The following TRPC1 variants were observed in gnomAD, a reference collection of about 807,000 sequenced individuals.
The protein encoded by TRPC1 is transient receptor potential cation channel subfamily C member 1.
Under a neutral mutation model 88.2 loss-of-function variants are expected in TRPC1, and 42 were observed. The observed-to-expected ratio is 0.48, with a 90% confidence interval of 0.37 to 0.62. The LOEUF (loss-of-function observed/expected upper bound fraction) is 0.62, where lower values mean the gene tolerates loss of function less well. Among genes scored for constraint, TRPC1 ranks in the 20% least tolerant of loss-of-function variants. The pLI is 0.00. For missense variants in TRPC1, 699 were observed against 957.3 expected (o/e 0.73, Z 3.56); for synonymous variants, 288 against 331.8 (o/e 0.87, Z 1.43).
intron 2 of TRPC1, among the ~76,000 whole-genome samples, chr3:142,741,989 C>T (rs906125430): frequency 6.6e-6 from 1 of 151,986 alleles, no homozygotes; most frequent in Non-Finnish European, 1.5e-5. Flanking sequence ...AGGGTGAAAC[C>T]CTGTCTTTAC....
intron 7 of TRPC1, among the ~76,000 whole-genome samples, chr3:142,785,734 C>T (rs187455174): frequency 2.5e-4 from 38 of 152,216 alleles, no homozygotes; most frequent in African/African-American, 7.2e-4. Flanking sequence ...CTCCTGACTT[C>T]GTAATCCTCC....
At chr3:142,736,640 T>C in intron 2 of TRPC1, 107 bp downstream of exon 2, 1 of 1,012,814 alleles carries the variant, frequency 9.9e-7, no homozygotes, top group Non-Finnish European at 1.4e-6. Context: ...CTTCTTCCTT[T>C]CTTTTTCTTT....
intron 9 of TRPC1, among the ~76,000 whole-genome samples, chr3:142,798,717 A>G (rs1936524732): frequency 6.6e-6 from 1 of 152,166 alleles, no homozygotes; most frequent in Non-Finnish European, 1.5e-5. Flanking sequence ...TTAATATCAC[A>G]TGTGCAAAGG....
intron 4 of TRPC1, among the ~76,000 whole-genome samples, chr3:142,777,265 AC>A (rs1935810401): frequency 6.6e-6 from 1 of 152,136 alleles, no homozygotes; most frequent in Non-Finnish European, 1.5e-5. Flanking sequence ...ACTCCACTGC[AC>A]TCTGGCCTGG....
chr3:142,804,080 G>C lies in TRPC1; in HGVS notation c.1861G>C (p.Val621Leu). ...FSYGEELQSF[V>L]GAVIVGTYNV... The stretch of plus-strand genomic sequence containing the variant: ...CTATGGAGAAGAACTGCAGTCCTTT[G>C]TGGGAGCTGTCATTGTTGGTACATA... Residue 621 changes from valine (V) to leucine (L), a missense_variant, in exon 11 of 13, where the codon GTG (valine) becomes CTG (leucine). Physicochemically the swap from Val to Leu is conservative, Grantham distance 32. Transcript: ENST00000476941. 1.2e-6 allele frequency: 2 copies of C among 1,613,864 alleles called. No homozygotes were observed. The highest frequency in any genetic ancestry group is 1.7e-6 in the Non-Finnish European group (2 of 1,179,904).
chr3:142,734,708 C>T (rs138202957), intron 1 of TRPC1, among the ~76,000 whole-genome samples: 1 of 151,838 alleles, frequency 6.6e-6, no homozygotes, highest in Non-Finnish European at 1.5e-5. Context: ...GAGGCCGAGG[C>T]GAGAGGATTG....
chr3:142,794,996 T>C (rs1936408902), intron 9 of TRPC1, among the ~76,000 whole-genome samples: 1 of 151,986 alleles, frequency 6.6e-6, no homozygotes, highest in African/African-American at 2.4e-5. Flanking sequence ...TAAAGTTTAG[T>C]AGAGACATGG....
Position 142,724,354 on chromosome 3 carries a change from C to T in TRPC1, c.-206C>T, listed in dbSNP as rs996601659. On this transcript the variant is annotated 5_prime_UTR_variant, in exon 1 of 13. Transcript: ENST00000476941. The surrounding 1 kb of genome is among the most constrained non-coding windows in gnomAD (Gnocchi z 5.6). ...TGGCCCCGGGGCCGCGCATGCGCCGCCACCAACTTGGGGCTGTCAGTGGAG... is the reference window on the plus strand; with the variant it reads ...TGGCCCCGGGGCCGCGCATGCGCCGTCACCAACTTGGGGCTGTCAGTGGAG... 1.0e-5 allele frequency: 4 copies of T among 394,972 alleles called. No individual in the cohort carries two copies. Among genetic ancestry groups the T allele is most frequent in the Non-Finnish European group, 1.7e-5 (4 of 230,284 alleles). 24.5% of individuals were successfully genotyped at this position (394,972 alleles called of 1,614,324 possible). A position where few individuals can be genotyped will look rare whatever the true frequency, so the allele number is the denominator to read the frequency against.
chr3:142,746,250 A>T (rs1408584424), intron 3 of TRPC1, among the ~76,000 whole-genome samples: 1 of 152,138 alleles, frequency 6.6e-6, no homozygotes, highest in African/African-American at 2.4e-5. Context: ...TTGGCAATTG[A>T]CTTTCAAATT....
chr3:142,734,174 CTTG>C (rs957655218), intron 1 of TRPC1, among the ~76,000 whole-genome samples: 5 of 152,144 alleles, frequency 3.3e-5, no homozygotes, highest in African/African-American at 7.2e-5. Flanking sequence ...GGTCCTGCCT[CTTG>C]TTGTCTTGGG....
Position 142,806,123 on chromosome 3 carries a change from C to G in TRPC1, c.2270C>G (p.Thr757Ser). The change falls in exon 13 of 13, where the codon ACT becomes AGT. Residue 757 changes from threonine (T) to serine (S), a missense_variant. Coordinates refer to ENST00000476941, the MANE Select transcript of TRPC1 (RefSeq NM_001251845.2). ...RQKMQSTDQA[T>S]VENLNELRQD... Reference sequence around the variant, plus strand: ...AAGATGCAAAGTACAGATCAGGCAACTGTGGAAAATCTAAACGAACTGCGC... The same window carrying G: ...AAGATGCAAAGTACAGATCAGGCAAGTGTGGAAAATCTAAACGAACTGCGC... 15 of 1,613,906 alleles carry G rather than the reference C, an allele frequency of 9.3e-6. No homozygotes were observed. The highest frequency in any genetic ancestry group is 1.3e-5 in the Non-Finnish European group (15 of 1,179,878).
intron 2 of TRPC1, among the ~76,000 whole-genome samples, chr3:142,740,176 C>T (rs190938178): frequency 2.6e-5 from 4 of 152,258 alleles, no homozygotes; most frequent in East Asian, 1.9e-4. Flanking sequence ...GGTTGGAGAC[C>T]GCTGTGAGGA....
At chr3:142,782,429 G>GT (rs149185113) in intron 6 of TRPC1, among the ~76,000 whole-genome samples, 4,528 of 152,242 alleles carry the variant, frequency 0.03, 238 homozygotes, top group African/African-American at 0.1. Context: ...GGTAAGCTTT[G>GT]TTTAGGTTAT....
chr3:142,781,038 C>G lies in TRPC1; in HGVS notation c.960+9C>G, dbSNP rs1402588384. ...AATATAACCAGAAAGAGGTATGAGG[C>G]TTTCTGTAATATATTTAAATTATTT... On this transcript the variant is annotated intron_variant, in intron 6 of 12. Coordinates refer to ENST00000476941, the MANE Select transcript of TRPC1 (RefSeq NM_001251845.2). 1.3e-6 allele frequency: 2 copies of G among 1,598,062 alleles called. No homozygotes were observed. The highest frequency in any genetic ancestry group is 1.7e-6 in the Non-Finnish European group (2 of 1,174,120).
intron 1 of TRPC1, among the ~76,000 whole-genome samples, chr3:142,726,674 G>A (rs1394951559): frequency 6.6e-6 from 1 of 152,094 alleles, no homozygotes; most frequent in Non-Finnish European, 1.5e-5. Flanking sequence ...GTAACTTTGA[G>A]TTATAGGAAT....
chr3:142,801,775 T>C (rs1046737630), intron 9 of TRPC1, among the ~76,000 whole-genome samples: 3 of 152,200 alleles, frequency 2.0e-5, no homozygotes, highest in Non-Finnish European at 4.4e-5. Context: ...AATGATTTTA[T>C]GTTTGTAAAA....
At position 142,806,039 on chromosome 3, in the gene TRPC1, A is replaced by G. The variant is rs751791267; in HGVS notation, c.2186A>G (p.Glu729Gly). ...AGGAATTTGAAACAGAAGAGAGATG[A>G]AAACTATCAAAAAGTGATGTGCTGC... ...EWRNLKQKRDENYQKVMCCLV... is the reference protein window; with the variant it reads ...EWRNLKQKRDGNYQKVMCCLV... Residue 729 changes from glutamate (E) to glycine (G), a missense_variant, in exon 13 of 13, where the codon GAA (glutamate) becomes GGA (glycine). By Grantham distance (98) the Glu-to-Gly change is moderately conservative. Coordinates refer to ENST00000476941, the MANE Select transcript of TRPC1 (RefSeq NM_001251845.2). 1.9e-6 allele frequency: 3 copies of G among 1,613,678 alleles called. No homozygotes were observed. The highest frequency in any genetic ancestry group is 2.5e-6 in the Non-Finnish European group (3 of 1,179,788).
intron 7 of TRPC1, among the ~76,000 whole-genome samples, chr3:142,787,517 G>A (rs1019284736): frequency 2.0e-5 from 3 of 152,140 alleles, no homozygotes; most frequent in African/African-American, 7.2e-5. Flanking sequence ...ATTTGTTGAG[G>A]AATGCACAGA....
In TRPC1 at chr3:142,781,047, A is replaced by G; in HGVS notation, c.960+18A>G. On this transcript the variant is annotated intron_variant, in intron 6 of 12. Coordinates refer to ENST00000476941, the MANE Select transcript of TRPC1 (RefSeq NM_001251845.2). ...AGAAAGAGGTATGAGGCTTTCTGTA[A>G]TATATTTAAATTATTTTCTCTACAG... 1 of 1,582,280 alleles carries G rather than the reference A, an allele frequency of 6.3e-7. No homozygotes were observed. The highest frequency in any genetic ancestry group is 1.2e-5 in the South Asian group (1 of 85,272).
Sources: allele counts gnomAD v4.1 joint callset (sites outside exome capture counted in the v4.1 genomes callset), GRCh38; gene constraint gnomAD v4.1.1; non-coding constraint Gnocchi (gnomAD v3.1); transcripts MANE v1.5; gene names NCBI Gene and HGNC (gene_info 2026-07-23, HGNC 2026-07-21).